The following RCAN2 variants were observed in gnomAD, a reference collection of about 807,000 sequenced individuals.
RCAN2 encodes calcipressin-2.
Under a neutral mutation model 23.6 loss-of-function variants are expected in RCAN2, and 9 were observed. The observed-to-expected ratio is 0.38, with a 90% CI of 0.23 to 0.67. The LOEUF (loss-of-function observed/expected upper bound fraction) is 0.67, where lower values mean the gene tolerates loss of function less well. Ranked by LOEUF, RCAN2 falls within the 30% of genes least tolerant of loss-of-function variation. The pLI, the probability that RCAN2 is intolerant of heterozygous loss-of-function variation, is 0.51. For synonymous variants in RCAN2, 109 were observed against 115.7 expected (o/e 0.94, Z 0.37); for missense variants, 273 against 302.3 (o/e 0.90, Z 0.72).
chr6:46,461,897 T>C (rs1160788941), intron 1 of RCAN2, among the ~76,000 whole-genome samples: 1 of 152,206 alleles, frequency 6.6e-6, no homozygotes, highest in Non-Finnish European at 1.5e-5. Context: ...GCTGTGGCTT[T>C]CTTGACTGCA....
At position 46,222,125 on chromosome 6, in the gene RCAN2, T is replaced by C. The variant is rs1169025579; in HGVS notation, c.*1016A>G. 4 of 396,810 alleles carry C rather than the reference T, an allele frequency of 1.0e-5. No individual in the cohort carries two copies. Among genetic ancestry groups the C allele is most frequent in the East Asian group, 3.6e-5 (1 of 28,028 alleles). The allele number at this position is 396,810 out of a possible 1,614,324, so 24.6% of individuals were successfully genotyped here. A position where few individuals can be genotyped will look rare whatever the true frequency, so the allele number is the denominator to read the frequency against. Reference sequence around the variant, plus strand: ...TAATCATGTATATATTGGCATTAGATGTTTTGTGTCCTTTCAAAATTCAGC... The same window carrying C: ...TAATCATGTATATATTGGCATTAGACGTTTTGTGTCCTTTCAAAATTCAGC... On this transcript the variant is annotated 3_prime_UTR_variant, in exon 5 of 5. Transcript: ENST00000371374.
At chr6:46,365,472 A>G (rs1177711777) in intron 2 of RCAN2, among the ~76,000 whole-genome samples, 3 of 149,188 alleles carry the variant, frequency 2.0e-5, no homozygotes, top group Non-Finnish European at 4.4e-5. Context: ...GCGAAACTCC[A>G]TCTCAAAAAA....
Position 46,221,150 on chromosome 6 carries a change from A to G in RCAN2, c.*1991T>C, listed in dbSNP as rs1013359128. Reference sequence around the variant, plus strand: ...CAGAATGGTCATTTCAACTTTTACTAAGTTGTTAAAAATGTCAGATGTGTC... The same window carrying G: ...CAGAATGGTCATTTCAACTTTTACTGAGTTGTTAAAAATGTCAGATGTGTC... On this transcript the variant is annotated 3_prime_UTR_variant, in exon 5 of 5. Transcript: ENST00000371374. 6.6e-6 allele frequency: 1 copy of G among 152,304 alleles called. No individual in the cohort carries two copies. Among genetic ancestry groups the G allele is most frequent in the Non-Finnish European group, 1.5e-5 (1 of 68,038 alleles). The allele number at this position is 152,304 out of a possible 1,614,324, so 9.4% of individuals were successfully genotyped here.
chr6:46,466,097 C>T (rs886201881), intron 1 of RCAN2, among the ~76,000 whole-genome samples: 1 of 152,134 alleles, frequency 6.6e-6, no homozygotes, highest in Non-Finnish European at 1.5e-5. Context: ...AGACAGAAGA[C>T]CATCCTCTCA....
intron 2 of RCAN2, among the ~76,000 whole-genome samples, chr6:46,262,295 C>T (rs1033651281): frequency 3.3e-5 from 5 of 152,160 alleles, no homozygotes; most frequent in Admixed American, 2.6e-4. Flanking sequence ...CACTACTCAA[C>T]AAGCACTATG....
intron 2 of RCAN2, among the ~76,000 whole-genome samples, chr6:46,261,272 T>C (rs1582040919): frequency 6.6e-6 from 1 of 152,192 alleles, no homozygotes; most frequent in East Asian, 1.9e-4. Context: ...GAAGAGGCAG[T>C]ATAAAGTTAT....
chr6:46,331,084 A>G (rs1357113922), intron 2 of RCAN2, among the ~76,000 whole-genome samples: 2 of 152,192 alleles, frequency 1.3e-5, no homozygotes. Context: ...TTATTCATGG[A>G]ACACTTCCAT....
chr6:46,487,353 T>C (rs1362399587), intron 1 of RCAN2, among the ~76,000 whole-genome samples: 1 of 152,220 alleles, frequency 6.6e-6, no homozygotes, highest in Non-Finnish European at 1.5e-5. Flanking sequence ...ACTACCAACA[T>C]ACACTTCTTT....
chr6:46,266,562 C>T (rs568520550), intron 2 of RCAN2, among the ~76,000 whole-genome samples: 10 of 152,186 alleles, frequency 6.6e-5, no homozygotes, highest in South Asian at 6.2e-4. Context: ...GGAGTATCCC[C>T]GGAAGAATTT....
At chr6:46,384,134 C>A (rs779890830) in intron 2 of RCAN2, among the ~76,000 whole-genome samples, 2 of 152,200 alleles carry the variant, frequency 1.3e-5, no homozygotes, top group Non-Finnish European at 2.9e-5. Flanking sequence ...CACTGCTGGG[C>A]TCTGGGAACA....
At chr6:46,369,819 T>G (rs1765279032) in intron 2 of RCAN2, among the ~76,000 whole-genome samples, 1 of 152,198 alleles carries the variant, frequency 6.6e-6, no homozygotes, top group South Asian at 2.1e-4. Flanking sequence ...AATCTTTTAT[T>G]TCCTAACGAC....
In RCAN2 at chr6:46,339,568, TTAAACA is replaced by T. The variant is rs1299740140; in HGVS notation, c.226-90678_226-90673del. Among the ~76,000 whole-genome samples, 13 of 152,230 alleles carry T rather than the reference TTAAACA, an allele frequency of 8.5e-5. 1 individual carries two copies. The East Asian group carries it at 2.1e-3, about 25-fold the overall frequency. On this transcript the variant is annotated intron_variant, in intron 2 of 4. Coordinates refer to ENST00000371374, the MANE Select transcript of RCAN2 (RefSeq NM_001251974.2). ...AAGCTATGGGGAAGCAGCTAGACTATTAAACAGTGGCTTGACATGAACAGCTTTGTG... is the reference window on the plus strand; with the variant it reads ...AAGCTATGGGGAAGCAGCTAGACTATGTGGCTTGACATGAACAGCTTTGTG...
intron 2 of RCAN2, among the ~76,000 whole-genome samples, chr6:46,407,464 A>C (rs965951646): frequency 6.6e-6 from 1 of 152,240 alleles, no homozygotes; most frequent in Non-Finnish European, 1.5e-5. Flanking sequence ...GGAAAATTCC[A>C]AGCCGACTCA....
intron 2 of RCAN2, among the ~76,000 whole-genome samples, chr6:46,455,541 G>A (rs1767992366): frequency 6.6e-6 from 1 of 151,518 alleles, no homozygotes; most frequent in African/African-American, 2.4e-5. Context: ...CTCACACAGA[G>A]TCATATACTT....
At chr6:46,305,853 C>G (rs1763048109) in intron 2 of RCAN2, among the ~76,000 whole-genome samples, 1 of 151,848 alleles carries the variant, frequency 6.6e-6, no homozygotes, top group African/African-American at 2.4e-5. Context: ...AGTTGACTGT[C>G]CTGGAAATGT....
intron 2 of RCAN2, among the ~76,000 whole-genome samples, chr6:46,387,940 C>T (rs1765804460): frequency 6.6e-6 from 1 of 152,140 alleles, no homozygotes; most frequent in Non-Finnish European, 1.5e-5. Context: ...AGGATGAGTT[C>T]ATGTCCTTTG....
At chr6:46,356,180 G>C (rs1040473922) in intron 2 of RCAN2, among the ~76,000 whole-genome samples, 1 of 152,226 alleles carries the variant, frequency 6.6e-6, no homozygotes, top group African/African-American at 2.4e-5. Flanking sequence ...GCCTGGAAAA[G>C]AGGGAACAGT....
intron 3 of RCAN2, among the ~76,000 whole-genome samples, chr6:46,248,438 C>A (rs1316919895): frequency 6.6e-6 from 1 of 152,080 alleles, no homozygotes; most frequent in Non-Finnish European, 1.5e-5. Context: ...TTCATGCAAT[C>A]CTCATAACAG....
At chr6:46,358,734 T>G (rs980742865) in intron 2 of RCAN2, among the ~76,000 whole-genome samples, 3 of 152,152 alleles carry the variant, frequency 2.0e-5, no homozygotes, top group African/African-American at 7.2e-5. Flanking sequence ...AATATGCTGC[T>G]AGGGCTGGTC....
Sources: gnomAD v4.1 joint callset for allele counts (sites outside exome capture counted in the v4.1 genomes callset) on GRCh38, gnomAD v4.1.1 for gene constraint, MANE v1.5 for transcripts, NCBI Gene and HGNC (gene_info 2026-07-23, HGNC 2026-07-21) for gene names.